The following TRRAP variants were observed in gnomAD, a reference collection of about 807,000 sequenced individuals.
The protein encoded by TRRAP is transformation/transcription domain associated protein, also known as transformation/transcription domain-associated protein.
TRRAP carries 41 observed loss-of-function variants against 438.8 expected under a neutral mutation model. That is an observed-to-expected ratio of 0.09 (90% confidence interval 0.07 to 0.12). The LOEUF is 0.12. Among genes scored for constraint, TRRAP ranks in the 10% least tolerant of loss-of-function variants. TRRAP has a pLI of 1.00. For synonymous variants in TRRAP, 1,994 were observed against 1,962.9 expected (o/e 1.02, Z -0.42); for missense variants, 3,122 against 5,055.1 (o/e 0.62, Z 11.60).
At chr7:98,936,342 A>G (rs1351287170) in intron 28 of TRRAP, among the ~76,000 whole-genome samples, 2 of 152,192 alleles carry the variant, frequency 1.3e-5, no homozygotes, top group East Asian at 1.9e-4. Context: ...TGTTCCAGAC[A>G]GTGCAAGCCA....
In TRRAP at chr7:98,967,676, T is replaced by C; in HGVS notation, c.7490T>C (p.Phe2497Ser). The C allele has an allele frequency of 1.9e-6, 3 of 1,613,874 alleles. No homozygotes were observed. Among genetic ancestry groups the C allele is most frequent in the Non-Finnish European group, 2.5e-6 (3 of 1,180,014 alleles). Residue 2497 changes from phenylalanine (F) to serine (S), a missense_variant, in exon 51 of 73, where the codon TTC becomes TCC. Transcript: ENST00000456197. ...SQNWEAMGNH[F>S]WIKQCIELLL... The stretch of plus-strand genomic sequence containing the variant: ...AACTGGGAAGCCATGGGGAACCACT[T>C]CTGGATCAAGCAGTGCATTGAGGTA...
In TRRAP at chr7:98,978,257, A is replaced by G. The variant is rs1444925516; in HGVS notation, c.8432A>G (p.His2811Arg). 7 of 1,614,218 alleles carry G rather than the reference A, an allele frequency of 4.3e-6. No homozygotes were observed. The highest frequency in any genetic ancestry group is 1.1e-5 in the South Asian group (1 of 91,080). Residue 2811 changes from histidine (H) to arginine (R), a missense_variant, in exon 57 of 73, where the codon CAT becomes CGT. By Grantham distance (29) the His-to-Arg change is conservative. Transcript: ENST00000456197. The stretch of plus-strand genomic sequence containing the variant: ...GCAATGGATAAAGCCAAAAAAGAAC[A>G]TGAGAGGAGTAACGCCTCCCCTGCT... ...EKAMDKAKKE[H>R]ERSNASPAIF...
Position 98,956,338 on chromosome 7 carries a change from TCTTC to T in TRRAP, c.6096+38_6096+41del. On this transcript the variant is annotated intron_variant, in intron 42 of 72. Coordinates refer to ENST00000456197, the MANE Select transcript of TRRAP (RefSeq NM_001375524.1). The surrounding 1 kb of genome is among the most constrained non-coding windows in gnomAD (Gnocchi z 4.5). The stretch of plus-strand genomic sequence containing the variant: ...GTCAGCCTCAGGGGTGCCCCGATCG[TCTTC>T]CTTTGACTTCTCCCTAGAAATCAGT... The T allele has an allele frequency of 6.2e-7, 1 of 1,613,494 alleles. No homozygotes were observed. Among genetic ancestry groups the T allele is most frequent in the Non-Finnish European group, 8.5e-7 (1 of 1,179,532 alleles).
At chr7:98,914,702 G>A (rs1289129449) in intron 18 of TRRAP, among the ~76,000 whole-genome samples, 1 of 100,206 alleles carries the variant, frequency 1.0e-5, no homozygotes, top group African/African-American at 3.9e-5. Flanking sequence ...CTGGGAGACA[G>A]AGTGAGACCC....
intron 51 of TRRAP, among the ~76,000 whole-genome samples, chr7:98,968,808 G>A (rs1294014668): frequency 6.6e-6 from 1 of 152,252 alleles, no homozygotes; most frequent in East Asian, 1.9e-4. Context: ...CGCGTGTGCA[G>A]CGTGCGTTTG....
intron 1 of TRRAP, among the ~76,000 whole-genome samples, chr7:98,880,256 G>T (rs1313118648): frequency 1.3e-5 from 1 of 74,206 alleles, no homozygotes; most frequent in Non-Finnish European, 3.1e-5. Flanking sequence ...TTTTGTTGTT[G>T]TTGTTGTTTT....
At chr7:98,939,111 C>T (rs1234678278) in intron 30 of TRRAP, among the ~76,000 whole-genome samples, 3 of 152,180 alleles carry the variant, frequency 2.0e-5, no homozygotes, top group Non-Finnish European at 4.4e-5. Flanking sequence ...AAATAATAAA[C>T]AGGATTTAAT....
intron 46 of TRRAP, among the ~76,000 whole-genome samples, chr7:98,962,100 C>G (rs1354171928): frequency 6.6e-6 from 1 of 152,202 alleles, no homozygotes; most frequent in African/African-American, 2.4e-5. Flanking sequence ...CAAGGAGATT[C>G]TGTTAGCTTT....
chr7:98,956,623 C>A lies in TRRAP; in HGVS notation c.6231+90C>A. 6.6e-7 allele frequency: 1 copy of A among 1,520,786 alleles called. No individual in the cohort carries two copies. The allele number at this position is 1,520,786 out of a possible 1,614,324, so 94.2% of individuals were successfully genotyped here. On this transcript the variant is annotated intron_variant, in intron 43 of 72. Coordinates refer to ENST00000456197, the MANE Select transcript of TRRAP (RefSeq NM_001375524.1). This position sits in a 1 kb window ranked among gnomAD's most constrained non-coding sequence, Gnocchi z 4.5. ...ATATTTAGAATGTGAGCTCGGTGCTCAGCTGCATTCAGGAGAGGAAGCTGG... is the reference window on the plus strand; with the variant it reads ...ATATTTAGAATGTGAGCTCGGTGCTAAGCTGCATTCAGGAGAGGAAGCTGG...
rs1400148170 is a variant in TRRAP, at chr7:98,888,746, C to T, written c.151-1589C>T. On this transcript the variant is annotated intron_variant, in intron 3 of 72. Transcript: ENST00000456197. The stretch of plus-strand genomic sequence containing the variant: ...AATGTCACTTCAGGAAGGTGTCCTC[C>T]GCCCTTGGTTACATTTAGTAAATGA... 3.9e-5 allele frequency among the ~76,000 whole-genome samples: 6 copies of T among 152,124 alleles called. No homozygotes were observed. The East Asian group carries it at 9.6e-4, about 24-fold the overall frequency.
Position 98,994,670 on chromosome 7 carries a change from C to T in TRRAP, c.10131C>T (p.Ile3377=), listed in dbSNP as rs762849227. 3 of 1,614,230 alleles carry T rather than the reference C, an allele frequency of 1.9e-6. No individual in the cohort carries two copies. The highest frequency in any genetic ancestry group is 8.5e-7 in the Non-Finnish European group (1 of 1,180,044). The part of the protein sequence containing the change: ...EKSGAVSDAK[I]TPHTLNFVKK... ...GTGGAGCGGTGTCCGATGCTAAAAT[C>T]ACCCCCCACACTCTCAATTTTGTGA... The change falls in exon 67 of 73, where the codon ATC becomes ATT. Residue 3377 remains isoleucine (I), a synonymous_variant. Coordinates refer to ENST00000456197, the MANE Select transcript of TRRAP (RefSeq NM_001375524.1). This position sits in a 1 kb window ranked among gnomAD's most constrained non-coding sequence, Gnocchi z 4.8.
chr7:98,953,344 T>C lies in TRRAP; in HGVS notation c.5641T>C (p.Cys1881Arg). 6.2e-7 allele frequency: 1 copy of C among 1,614,034 alleles called. No homozygotes were observed. The highest frequency in any genetic ancestry group is 1.1e-5 in the South Asian group (1 of 91,088). ...CTGGCCCTGCCTGCTCTCCAAGGCC[T>C]GCGTGGACCCAGCCTGCAAGTACAG... ...FAWPCLLSKA[C>R]VDPACKYSGH... is the part of the protein sequence containing the mutation. Residue 1881 changes from cysteine to arginine, a missense_variant, in exon 40 of 73, where the codon TGC (cysteine) becomes CGC (arginine). This residue lies in a region of TRRAP where 22 missense variants were observed against 28.8 expected (regional missense o/e 0.76). Transcript: ENST00000456197.
rs782180003 is a variant in TRRAP at position 98,937,676 on chromosome 7, C to T, written c.4260C>T (p.Val1420=). 43 of 1,609,802 alleles carry T rather than the reference C, an allele frequency of 2.7e-5. No individual in the cohort carries two copies. The highest frequency in any genetic ancestry group is 8.4e-5 in the Admixed American group (5 of 59,196). ...RKFLEGATIE[V]DQIHTHMRPL... is the part of the protein sequence containing the mutation. ...TTTTAGAAGGTGCTACCATAGAAGT[C>T]GATCAAATCCACACACATATGCGAC... is the stretch of plus-strand genomic sequence containing the variant. The change falls in exon 30 of 73, where the codon GTC becomes GTT. Residue 1420 remains valine (V), a synonymous_variant. Transcript: ENST00000456197.
intron 47 of TRRAP, among the ~76,000 whole-genome samples, chr7:98,963,866 A>G (rs578244048): frequency 7.2e-5 from 11 of 152,254 alleles, no homozygotes; most frequent in African/African-American, 2.6e-4. Context: ...GGATTACTTG[A>G]GGTCAGGAGT....
At chr7:98,921,065 G>T (rs139130428) in intron 20 of TRRAP, among the ~76,000 whole-genome samples, 1 of 152,142 alleles carries the variant, frequency 6.6e-6, no homozygotes, top group Non-Finnish European at 1.5e-5. Context: ...TCGAACTACC[G>T]ACTTCAGGTG....
intron 51 of TRRAP, among the ~76,000 whole-genome samples, chr7:98,968,189 T>C (rs1462971003): frequency 6.6e-6 from 1 of 152,104 alleles, no homozygotes; most frequent in African/African-American, 2.4e-5. Flanking sequence ...CGGCTGATTT[T>C]TGTATTTTTA....
intron 57 of TRRAP, 62 bp downstream of exon 57, chr7:98,978,385 C>CT: frequency 7.0e-7 from 1 of 1,436,346 alleles, no homozygotes; most frequent in Non-Finnish European, 9.7e-7. Context: ...GGAAAAATCT[C>CT]TGACCTTTTC....
At position 98,948,328 on chromosome 7, in the gene TRRAP, G is replaced by A. The variant is rs142246393; in HGVS notation, c.4656G>A (p.Ala1552=). ...AGGTTGTCATGAAAACGGAGCGGGC[G>A]ATGCTGATCGAGGTAAGGGCCATAC... is the stretch of plus-strand genomic sequence containing the variant. The part of the protein sequence containing the change: ...LLEVVMKTER[A]MLIEAGSPFR... Residue 1552 remains alanine, a synonymous_variant, in exon 34 of 73, where the codon GCG becomes GCA. Coordinates refer to ENST00000456197, the MANE Select transcript of TRRAP (RefSeq NM_001375524.1). The surrounding 1 kb of genome is among the most constrained non-coding windows in gnomAD (Gnocchi z 4.9). 113 of 1,614,058 alleles carry A rather than the reference G, an allele frequency of 7.0e-5. No individual in the cohort carries two copies. The highest frequency in any genetic ancestry group is 7.2e-5 in the Non-Finnish European group (85 of 1,180,046).
chr7:98,992,937 T>G (rs1311553577), intron 65 of TRRAP, among the ~76,000 whole-genome samples: 2 of 152,088 alleles, frequency 1.3e-5, no homozygotes, highest in Admixed American at 6.6e-5. Context: ...CATTTGAAAA[T>G]TAAGGTTTTT....
Sources: allele counts gnomAD v4.1 joint callset (sites outside exome capture counted in the v4.1 genomes callset), GRCh38; gene constraint gnomAD v4.1.1; regional missense constraint gnomAD v4.1.1; non-coding constraint Gnocchi (gnomAD v3.1); transcripts MANE v1.5; gene names NCBI Gene and HGNC (gene_info 2026-07-23, HGNC 2026-07-21).